Variants in ELAVL1 observed in about 807,000 individuals in gnomAD.
ELAVL1 encodes ELAV-like protein 1.
A neutral mutation model predicts 28.4 loss-of-function variants in ELAVL1; 1 was observed. The ratio of observed to expected loss-of-function variants is 0.04; its 90% CI spans 0.01 to 0.17. ELAVL1 has a LOEUF of 0.17. ELAVL1 is among the 10% of genes least tolerant of loss of function. The pLI, the probability that ELAVL1 is intolerant of heterozygous loss-of-function variation, is 1.00. For missense variants in ELAVL1, 157 were observed against 447.2 expected, an observed-to-expected ratio of 0.35 and a Z score of 5.85; for synonymous variants, 174 against 183.5, an observed-to-expected ratio of 0.95 and a Z score of 0.42.
chr19:7,997,014 A>C (rs1453515022), intron 1 of ELAVL1, among the ~76,000 whole-genome samples: 1 of 152,206 alleles, frequency 6.6e-6, no homozygotes, highest in Non-Finnish European at 1.5e-5. Flanking sequence ...AACAAAAAAC[A>C]ACCAACAGCA....
intron 1 of ELAVL1, among the ~76,000 whole-genome samples, chr19:7,994,764 C>T (rs1985834970): frequency 6.6e-6 from 1 of 152,122 alleles, no homozygotes; most frequent in South Asian, 2.1e-4. Flanking sequence ...CCAGTCTGGA[C>T]AACAACGTGA....
intron 1 of ELAVL1, 103 bp from the exon 2 acceptor site, chr19:7,991,934 T>TTC (rs1393625974): frequency 3.9e-6 from 3 of 767,722 alleles, no homozygotes; most frequent in Admixed American, 4.2e-5. Flanking sequence ...CTTTCTTTCT[T>TTC]TTTTTTTTTT....
rs1985810611 is a variant in ELAVL1, at chr19:7,993,684, G to A, written c.-16-1853C>T. On this transcript the variant is annotated intron_variant, in intron 1 of 5. Coordinates refer to ENST00000407627, the MANE Select transcript of ELAVL1 (RefSeq NM_001419.3). ...CCTCATCCCTGCCTCTAAACACACA[G>A]GTAGTCATCCCTGTGGATGGCCACC... 2.6e-5 allele frequency among the ~76,000 whole-genome samples: 4 copies of A among 151,814 alleles called. 1 individual carries two copies. The highest frequency in any genetic ancestry group is 3.9e-4 in the East Asian group (2 of 5,142).
At chr19:8,003,545 A>T (rs2145233355) in intron 1 of ELAVL1, among the ~76,000 whole-genome samples, 1 of 151,938 alleles carries the variant, frequency 6.6e-6, no homozygotes, top group Non-Finnish European at 1.5e-5. Flanking sequence ...ACAAAAAATT[A>T]GTCGGGCGTG....
At chr19:7,999,646 G>C (rs2145229762) in intron 1 of ELAVL1, among the ~76,000 whole-genome samples, 1 of 152,190 alleles carries the variant, frequency 6.6e-6, no homozygotes, top group East Asian at 1.9e-4. Flanking sequence ...GCAGAGGCAT[G>C]ATCACGGCTC....
intron 3 of ELAVL1, among the ~76,000 whole-genome samples, chr19:7,974,362 T>C (rs1160495470): frequency 2.0e-5 from 3 of 152,226 alleles, no homozygotes; most frequent in Non-Finnish European, 4.4e-5. Context: ...CCCGAGTTTG[T>C]ACTCAAATCC....
At position 7,982,451 on chromosome 19, in the gene ELAVL1, A is replaced by C. The variant is rs894460997; in HGVS notation, c.173-1265T>G. Reference sequence around the variant, plus strand: ...CCTGGCAGCTGGGCCAGGGACATCCAGATCCATCTCACCGACAGCAAGATT... The same window carrying C: ...CCTGGCAGCTGGGCCAGGGACATCCCGATCCATCTCACCGACAGCAAGATT... On this transcript the variant is annotated intron_variant, in intron 2 of 5. Transcript: ENST00000407627. This position sits in a 1 kb window ranked among gnomAD's most constrained non-coding sequence, Gnocchi z 4.3. 2.0e-5 allele frequency among the ~76,000 whole-genome samples: 3 copies of C among 152,250 alleles called. No individual in the cohort carries two copies. The highest frequency in any genetic ancestry group is 2.4e-5 in the African/African-American group (1 of 41,470).
At chr19:7,976,319 G>A (rs929654005) in intron 3 of ELAVL1, among the ~76,000 whole-genome samples, 2 of 150,982 alleles carry the variant, frequency 1.3e-5, no homozygotes, top group African/African-American at 2.4e-5. Flanking sequence ...GGAGAATGGC[G>A]TGAACCCAGG....
chr19:7,978,840 C>T (rs1985376234), intron 3 of ELAVL1, among the ~76,000 whole-genome samples: 1 of 152,194 alleles, frequency 6.6e-6, no homozygotes, highest in South Asian at 2.1e-4. Context: ...CTCTGGGTGA[C>T]TGGTGTCAGA....
chr19:7,991,012 G>A (rs1033670073), intron 2 of ELAVL1, among the ~76,000 whole-genome samples: 6 of 152,188 alleles, frequency 3.9e-5, no homozygotes, highest in South Asian at 4.1e-4. Flanking sequence ...TCCACATTCC[G>A]GATGGGGACA....
rs1373191484 is a variant in ELAVL1 at position 7,967,804 on chromosome 19, C to A, written c.431-14G>T. On this transcript the variant is annotated splice_polypyrimidine_tract_variant and intron_variant, in intron 4 of 5. Coordinates refer to ENST00000407627, the MANE Select transcript of ELAVL1 (RefSeq NM_001419.3). Reference sequence around the variant, plus strand: ...CTCTGGACAAACCTTTTCAACAAATCAACAAAAACGGAGTTAGGGGGAAAA... The same window carrying A: ...CTCTGGACAAACCTTTTCAACAAATAAACAAAAACGGAGTTAGGGGGAAAA... The A allele has an allele frequency of 6.2e-7, 1 of 1,604,396 alleles. No homozygotes were observed. The highest frequency in any genetic ancestry group is 1.1e-5 in the South Asian group (1 of 90,108).
Position 7,977,268 on chromosome 19 carries a change from G to A in ELAVL1, c.277-3390C>T, listed in dbSNP as rs192606888. ...CAATGTGCTGGGGAAGCCTCCAGGT[G>A]ACAATGTTAAGTGCCTGTAGCCACA... On this transcript the variant is annotated intron_variant, in intron 3 of 5. Transcript: ENST00000407627. Among the ~76,000 whole-genome samples, 25 of 152,324 alleles carry A rather than the reference G, an allele frequency of 1.6e-4. 2 individuals are homozygous for A. In the East Asian group the frequency reaches 4.6e-3, roughly 28 times the overall value.
At chr19:8,001,640 T>C (rs1033050417) in intron 1 of ELAVL1, among the ~76,000 whole-genome samples, 2 of 142,700 alleles carry the variant, frequency 1.4e-5, no homozygotes, top group African/African-American at 4.9e-5. Context: ...AAAAATTTTT[T>C]TTTTTTTTAG....
intron 5 of ELAVL1, among the ~76,000 whole-genome samples, chr19:7,966,315 A>ACAC (rs1984955225): frequency 6.6e-6 from 1 of 152,198 alleles, no homozygotes; most frequent in Admixed American, 6.5e-5. Flanking sequence ...AGGCGACAGC[A>ACAC]CACCACATCC....
intron 2 of ELAVL1, among the ~76,000 whole-genome samples, chr19:7,987,032 G>A (rs1359269510): frequency 1.3e-5 from 2 of 149,524 alleles, no homozygotes; most frequent in Non-Finnish European, 3.0e-5. Context: ...ATCAGGCTGG[G>A]AAAGTCCGGA....
intron 1 of ELAVL1, among the ~76,000 whole-genome samples, chr19:7,998,712 A>G (rs1047397856): frequency 6.6e-6 from 1 of 151,842 alleles, no homozygotes; most frequent in African/African-American, 2.4e-5. Flanking sequence ...TGAACTCCCA[A>G]GCTCAAGTGA....
chr19:7,987,120 G>A (rs185540366), intron 2 of ELAVL1, among the ~76,000 whole-genome samples: 8 of 149,836 alleles, frequency 5.3e-5, no homozygotes, highest in African/African-American at 2.0e-4. Flanking sequence ...GGGTGCCGGG[G>A]GGGGGGGAGG....
chr19:7,977,614 G>A (rs1985336661), intron 3 of ELAVL1, among the ~76,000 whole-genome samples: 1 of 152,232 alleles, frequency 6.6e-6, no homozygotes, highest in Non-Finnish European at 1.5e-5. Context: ...CACTCCCACT[G>A]TGGCTGCCTG....
chr19:7,981,062 G>A lies in ELAVL1; in HGVS notation c.276+21C>T. ...TGTGCCCAGGGCAGGAATGGATGCG[G>A]TGGTGATCAGATCCCTTTACCTTAA... On this transcript the variant is annotated intron_variant, in intron 3 of 5. Transcript: ENST00000407627. This position sits in a 1 kb window ranked among gnomAD's most constrained non-coding sequence, Gnocchi z 4.2. The A allele has an allele frequency of 3.1e-6, 5 of 1,611,248 alleles. No homozygotes were observed. The highest frequency in any genetic ancestry group is 4.2e-6 in the Non-Finnish European group (5 of 1,177,572).
Sources: allele counts gnomAD v4.1 joint callset (sites outside exome capture counted in the v4.1 genomes callset), GRCh38; gene constraint gnomAD v4.1.1; non-coding constraint Gnocchi (gnomAD v3.1); transcripts MANE v1.5; gene names NCBI Gene and HGNC (gene_info 2026-07-23, HGNC 2026-07-21).